ARSF: variants seen among roughly 807,000 people sequenced by gnomAD.
ARSF encodes the protein arylsulfatase F.
Under a neutral mutation model 35.4 loss-of-function variants are expected in ARSF, and 33 were observed. That is an observed-to-expected ratio of 0.93 (90% CI 0.71 to 1.25). The LOEUF is 1.25. Among genes scored for constraint, ARSF ranks in the 50% most tolerant of loss-of-function variants. The pLI, the probability that ARSF is intolerant of heterozygous loss-of-function variation, is 0.00. For missense variants in ARSF, 501 were observed against 480.2 expected, an observed-to-expected ratio of 1.04 and a Z score of -0.40; for synonymous variants, 222 against 193.1, an observed-to-expected ratio of 1.15 and a Z score of -1.24.
chrX:3,104,006 T>C (rs2090397185), intron 9 of ARSF, 82 bp downstream of exon 9: 3 of 1,052,694 alleles, frequency 2.8e-6, no homozygotes, highest in Admixed American at 2.5e-5. Context: ...AGACTGACTC[T>C]ATCCTGGCAG....
intron 2 of ARSF, among the ~76,000 whole-genome samples, chrX:3,071,331 C>T (rs957189977): frequency 9.1e-6 from 1 of 110,325 alleles, no homozygotes; most frequent in East Asian, 2.9e-4. Flanking sequence ...TTTGATGGAA[C>T]CTCGGTCCGT....
At chrX:3,083,972 A>T (rs2090224665) in intron 5 of ARSF, among the ~76,000 whole-genome samples, 1 of 110,900 alleles carries the variant, frequency 9.0e-6, no homozygotes, top group Non-Finnish European at 1.9e-5. Context: ...ATTGACAGAA[A>T]CTCACAATTC....
intron 7 of ARSF, among the ~76,000 whole-genome samples, chrX:3,092,832 G>A (rs1211617107): frequency 8.9e-6 from 1 of 112,265 alleles, no homozygotes; most frequent in African/African-American, 3.2e-5. Flanking sequence ...TAGAAAAGTT[G>A]ATTTGTGGCC....
intron 7 of ARSF, among the ~76,000 whole-genome samples, chrX:3,099,049 C>CCT (rs749534007): frequency 9.1e-6 from 1 of 110,460 alleles, no homozygotes; most frequent in African/African-American, 3.3e-5. Flanking sequence ...CCTCTTTCTT[C>CCT]CTCTCTCTCT....
intron 2 of ARSF, among the ~76,000 whole-genome samples, chrX:3,068,849 T>A (rs1490266159): frequency 2.7e-5 from 3 of 112,384 alleles, no homozygotes; most frequent in African/African-American, 9.7e-5. Context: ...ATGTAGCTTT[T>A]GCCTGCAAGA....
In ARSF at chrX:3,055,020, C is replaced by T. The variant is rs374917741; in HGVS notation, c.-28-13053C>T. On this transcript the variant is annotated intron_variant, in intron 1 of 10. Coordinates refer to ENST00000381127, the MANE Select transcript of ARSF (RefSeq NM_001201539.2). ...AAAGTGCTGGGATTACAGGCATGAGCCACCACATCCAGCCAAAACTGCACT... is the reference window on the plus strand; with the variant it reads ...AAAGTGCTGGGATTACAGGCATGAGTCACCACATCCAGCCAAAACTGCACT... 3.3e-4 allele frequency among the ~76,000 whole-genome samples: 35 copies of T among 107,354 alleles called. 1 individual carries two copies. The East Asian group carries it at 5.1e-3, about 16-fold the overall frequency. 93.2% of individuals were successfully genotyped at this position (107,354 alleles called of 115,157 possible).
In ARSF at chrX:3,110,146, C is replaced by T; in HGVS notation, c.1284C>T (p.Asp428=). Reference sequence around the variant, plus strand: ...TCTGCAGGGTCATTGACGGCCGAGACCTCATGCCCTTGCTGCAGGGCAACG... The same window carrying T: ...TCTGCAGGGTCATTGACGGCCGAGATCTCATGCCCTTGCTGCAGGGCAACG... ...LPQDRVIDGR[D]LMPLLQGNVR... The change falls in exon 10 of 11, where the codon GAC becomes GAT. Residue 428 remains aspartate, a synonymous_variant. Coordinates refer to ENST00000381127, the MANE Select transcript of ARSF (RefSeq NM_001201539.2). 2.5e-6 allele frequency: 3 copies of T among 1,195,862 alleles called. No homozygotes were observed. Among genetic ancestry groups the T allele is most frequent in the Non-Finnish European group, 3.4e-6 (3 of 886,846 alleles).
intron 7 of ARSF, among the ~76,000 whole-genome samples, chrX:3,097,782 G>A (rs749244386): frequency 8.0e-4 from 89 of 111,512 alleles, no homozygotes; most frequent in Middle Eastern, 4.7e-3. Context: ...TGTAATCCCA[G>A]CACTTTGGGA....
chrX:3,061,949 G>A (rs1339067242), intron 1 of ARSF, among the ~76,000 whole-genome samples: 1 of 111,410 alleles, frequency 9.0e-6, no homozygotes, highest in Non-Finnish European at 1.9e-5. Flanking sequence ...GCACCAAGTG[G>A]ACCTAATAGA....
intron 7 of ARSF, among the ~76,000 whole-genome samples, chrX:3,097,985 C>T (rs2090347989): frequency 9.3e-6 from 1 of 107,664 alleles, no homozygotes. Context: ...GCACTCCAGC[C>T]TGGGTAACAA....
intron 1 of ARSF, among the ~76,000 whole-genome samples, chrX:3,060,012 C>A (rs2090035224): frequency 8.9e-6 from 1 of 112,263 alleles, no homozygotes; most frequent in African/African-American, 3.2e-5. Flanking sequence ...CCCCTTGTAG[C>A]CTAACTGGGA....
intron 1 of ARSF, among the ~76,000 whole-genome samples, chrX:3,055,277 G>A (rs905754636): frequency 9.8e-6 from 1 of 102,075 alleles, no homozygotes; most frequent in Non-Finnish European, 2.0e-5. Flanking sequence ...GGGAGGCGGA[G>A]GTTGCAGTGA....
intron 6 of ARSF, 95 bp downstream of exon 6, chrX:3,084,761 A>AG: frequency 1.2e-6 from 1 of 859,369 alleles, no homozygotes; most frequent in Non-Finnish European, 1.6e-6. Context: ...AGTTTATAAT[A>AG]ATCTATTGTA....
chrX:3,101,635 C>T (rs1218890175), intron 8 of ARSF, among the ~76,000 whole-genome samples: 4 of 111,279 alleles, frequency 3.6e-5, no homozygotes, highest in East Asian at 2.8e-4. Flanking sequence ...AAGAAGTCTT[C>T]GACACTCTCT....
intron 7 of ARSF, among the ~76,000 whole-genome samples, chrX:3,100,415 T>C (rs1461682660): frequency 8.9e-6 from 1 of 112,014 alleles, no homozygotes; most frequent in African/African-American, 3.2e-5. Flanking sequence ...TCATATCCAG[T>C]GGGAAAAACT....
At chrX:3,095,940 T>G (rs1380070020) in intron 7 of ARSF, among the ~76,000 whole-genome samples, 2 of 104,110 alleles carry the variant, frequency 1.9e-5, no homozygotes, top group African/African-American at 7.1e-5. Context: ...TTATCTATAT[T>G]TTATATATAT....
At position 3,076,683 on chromosome X, in the gene ARSF, C is replaced by T. The variant is rs2090154569; in HGVS notation, c.283+14C>T. 2 of 1,207,910 alleles carry T rather than the reference C, an allele frequency of 1.7e-6. No homozygotes were observed. Among genetic ancestry groups the T allele is most frequent in the Admixed American group, 2.2e-5 (1 of 45,753 alleles). ...CCATCCGATCAGGTGCGCAAACTGG[C>T]GGGCTCTGCTGGGCTCTGCCCTCAT... On this transcript the variant is annotated intron_variant, in intron 4 of 10. Coordinates refer to ENST00000381127, the MANE Select transcript of ARSF (RefSeq NM_001201539.2).
intron 1 of ARSF, among the ~76,000 whole-genome samples, chrX:3,065,675 T>G: frequency 9.2e-6 from 1 of 109,253 alleles, no homozygotes; most frequent in South Asian, 4.0e-4. Flanking sequence ...TATATGTAAA[T>G]TTTCATTTTA....
chrX:3,098,087 C>CACAA (rs58668831), intron 7 of ARSF, among the ~76,000 whole-genome samples: 3 of 106,835 alleles, frequency 2.8e-5, no homozygotes, highest in Non-Finnish European at 5.8e-5. Context: ...CACACACACA[C>CACAA]AATGGACACT....
Sources: gnomAD v4.1 joint callset for allele counts (sites outside exome capture counted in the v4.1 genomes callset) on GRCh38, gnomAD v4.1.1 for gene constraint, MANE v1.5 for transcripts, NCBI Gene and HGNC (gene_info 2026-07-23, HGNC 2026-07-21) for gene names.